The following CACNB2 variants were observed in gnomAD, a reference collection of about 807,000 sequenced individuals.
CACNB2 encodes the protein calcium voltage-gated channel auxiliary subunit beta 2.
Under a neutral mutation model 73.3 loss-of-function variants are expected in CACNB2, and 42 were observed. That is an observed-to-expected ratio of 0.57 (90% CI 0.45 to 0.74). The LOEUF (loss-of-function observed/expected upper bound fraction) is 0.74. Ranked by LOEUF, CACNB2 falls within the 30% of genes least tolerant of loss-of-function variation. The pLI, the probability that CACNB2 is intolerant of heterozygous loss-of-function variation, is 0.00. For synonymous variants in CACNB2, 348 were observed against 310.3 expected (o/e 1.12, Z -1.28); for missense variants, 940 against 853.0 (o/e 1.10, Z -1.27).
intron 2 of CACNB2, among the ~76,000 whole-genome samples, chr10:18,274,826 C>G (rs553821849): frequency 4.6e-5 from 7 of 152,254 alleles, no homozygotes; most frequent in African/African-American, 1.7e-4. Context: ...AAATGAATCC[C>G]CGCTTCAAAG....
intron 9 of CACNB2, among the ~76,000 whole-genome samples, chr10:18,521,169 G>T (rs1005155947): frequency 8.5e-5 from 13 of 152,220 alleles, no homozygotes; most frequent in Non-Finnish European, 1.5e-4. Context: ...ATTGAAACCT[G>T]TAGCAGTAAC....
chr10:18,535,791 A>T lies in CACNB2; in HGVS notation c.1207-310A>T, dbSNP rs184532571. On this transcript the variant is annotated intron_variant, in intron 11 of 13. Transcript: ENST00000324631. Reference sequence around the variant, plus strand: ...ACATCTCAAAAATATATATATATATATTTTAACATGTATCAGATTTATTGT... The same window carrying T: ...ACATCTCAAAAATATATATATATATTTTTTAACATGTATCAGATTTATTGT... Among the ~76,000 whole-genome samples the T allele has an allele frequency of 5.2e-3, 793 of 152,034 alleles. 4 individuals carry two copies. Among genetic ancestry groups the T allele is most frequent in the Non-Finnish European group, 9.7e-3 (663 of 68,004 alleles).
intron 3 of CACNB2, among the ~76,000 whole-genome samples, chr10:18,469,870 C>T (rs1247426479): frequency 6.6e-6 from 1 of 152,030 alleles, no homozygotes; most frequent in Non-Finnish European, 1.5e-5. Flanking sequence ...CCTATTTAAC[C>T]ACATTTATAC....
chr10:18,499,630 AAAAAAAAAAG>A (rs1428162752), intron 4 of CACNB2, among the ~76,000 whole-genome samples: 2 of 103,362 alleles, frequency 1.9e-5, no homozygotes, highest in African/African-American at 3.4e-5. Context: ...AAAAAAAAAA[AAAAAAAAAAG>A]AACCTAGAAG....
chr10:18,368,503 C>T (rs758940681), intron 2 of CACNB2, among the ~76,000 whole-genome samples: 3 of 152,110 alleles, frequency 2.0e-5, no homozygotes, highest in Non-Finnish European at 4.4e-5. Context: ...GTGGCTCATA[C>T]AGAATTTTCA....
At chr10:18,447,896 A>G (rs139069295) in intron 3 of CACNB2, among the ~76,000 whole-genome samples, 18 of 152,256 alleles carry the variant, frequency 1.2e-4, no homozygotes, top group Admixed American at 8.5e-4. Context: ...CCCGAGAGCT[A>G]TTTTTGTTTT....
chr10:18,471,023 G>A (rs1448408860), intron 3 of CACNB2, among the ~76,000 whole-genome samples: 1 of 152,166 alleles, frequency 6.6e-6, no homozygotes, highest in African/African-American at 2.4e-5. Context: ...TGTTACACAG[G>A]GCCGGGTGCG....
chr10:18,253,327 T>C (rs1444732122), intron 2 of CACNB2, among the ~76,000 whole-genome samples: 1 of 152,204 alleles, frequency 6.6e-6, no homozygotes. Flanking sequence ...ATAGCAATAT[T>C]TATGACAAGT....
intron 2 of CACNB2, among the ~76,000 whole-genome samples, chr10:18,383,798 C>G (rs1048723497): frequency 2.0e-5 from 3 of 152,062 alleles, no homozygotes; most frequent in Non-Finnish European, 4.4e-5. Flanking sequence ...CTCCGCTTCC[C>G]GGATTCAAGC....
At chr10:18,316,320 G>A (rs2040181142) in intron 2 of CACNB2, among the ~76,000 whole-genome samples, 1 of 152,110 alleles carries the variant, frequency 6.6e-6, no homozygotes, top group Non-Finnish European at 1.5e-5. Context: ...TCTCAATAAT[G>A]TTGGGTAGCT....
chr10:18,422,582 G>A (rs1011446683), intron 3 of CACNB2, among the ~76,000 whole-genome samples: 1 of 152,004 alleles, frequency 6.6e-6, no homozygotes, highest in South Asian at 2.1e-4. Flanking sequence ...CAAATAACTT[G>A]TTTGTGTATT....
chr10:18,478,610 T>G (rs1279040766), intron 3 of CACNB2, among the ~76,000 whole-genome samples: 1 of 152,202 alleles, frequency 6.6e-6, no homozygotes, highest in Non-Finnish European at 1.5e-5. Flanking sequence ...CATGCAAATG[T>G]ATTTAACATG....
At chr10:18,225,093 A>T (rs1336971261) in intron 2 of CACNB2, among the ~76,000 whole-genome samples, 1 of 151,340 alleles carries the variant, frequency 6.6e-6, no homozygotes, top group African/African-American at 2.4e-5. Context: ...CCTTCATTTT[A>T]TGTGACCTGC....
chr10:18,463,028 A>T (rs2047667839), intron 3 of CACNB2, among the ~76,000 whole-genome samples: 2 of 152,172 alleles, frequency 1.3e-5, no homozygotes, highest in African/African-American at 4.8e-5. Context: ...AAGTGTTAGG[A>T]TTACAGGCAA....
intron 2 of CACNB2, among the ~76,000 whole-genome samples, chr10:18,369,725 G>A (rs908571066): frequency 6.6e-6 from 1 of 152,202 alleles, no homozygotes; most frequent in East Asian, 1.9e-4. Context: ...TGGCCAACAT[G>A]ATGAAACCCT....
In CACNB2 at chr10:18,218,309, TCAGA is replaced by T. The variant is rs148733187; in HGVS notation, c.213+67340_213+67343del. On this transcript the variant is annotated intron_variant, in intron 2 of 13. Transcript: ENST00000324631. ...TCAATTAAACAACCTACTGATTAAG[TCAGA>T]CAGACGAACTGATTTGTTTTCCAGA... Among the ~76,000 whole-genome samples, 723 of 152,342 alleles carry T rather than the reference TCAGA, an allele frequency of 4.7e-3. 10 individuals are homozygous for T. In the East Asian group the frequency reaches 0.061, roughly 13 times the overall value.
chr10:18,188,242 G>GCCTA (rs751884431), intron 2 of CACNB2, among the ~76,000 whole-genome samples: 44 of 151,012 alleles, frequency 2.9e-4, no homozygotes, highest in Non-Finnish European at 5.3e-4. Context: ...CTGCCTGCCT[G>GCCTA]CCTACCTGCC....
intron 6 of CACNB2, among the ~76,000 whole-genome samples, chr10:18,506,916 C>T (rs10741090): frequency 0.39 from 59,597 of 152,010 alleles, 11,928 homozygotes; most frequent in East Asian, 0.52. Flanking sequence ...CCCCCACCTC[C>T]GCTTCCCAAG....
Position 18,162,702 on chromosome 10 carries a change from C to A in CACNB2, c.213+11727C>A, listed in dbSNP as rs115062967. 8.1e-3 allele frequency among the ~76,000 whole-genome samples: 1,230 copies of A among 152,202 alleles called. 18 individuals carry two copies. Among genetic ancestry groups the A allele is most frequent in the African/African-American group, 0.028 (1,183 of 41,514 alleles). ...GGTCATAAAAACCTTAGGTAAGAAC[C>A]AGCTCCTAGGGAATTAGTAAACCAA... On this transcript the variant is annotated intron_variant, in intron 2 of 13. Transcript: ENST00000324631.
Sources: gnomAD v4.1 joint callset for allele counts (sites outside exome capture counted in the v4.1 genomes callset) on GRCh38, gnomAD v4.1.1 for gene constraint, MANE v1.5 for transcripts, NCBI Gene and HGNC (gene_info 2026-07-23, HGNC 2026-07-21) for gene names.